Variants in RASSF8 observed in about 807,000 individuals in gnomAD.
RASSF8 encodes the protein Ras association domain family member 8.
Under a neutral mutation model 48.5 loss-of-function variants are expected in RASSF8, and 22 were observed. The observed-to-expected ratio is 0.45, with a 90% CI of 0.32 to 0.65. The LOEUF is 0.65. Among genes scored for constraint, RASSF8 ranks in the 30% least tolerant of loss-of-function variants. The pLI is 0.03. For missense variants in RASSF8, 418 were observed against 489.2 expected, an observed-to-expected ratio of 0.85 and a Z score of 1.37; for synonymous variants, 127 against 171.5, an observed-to-expected ratio of 0.74 and a Z score of 2.03.
downstream of RASSF8, among the ~76,000 whole-genome samples, chr12:26,076,166 G>A (rs1944070363): frequency 6.6e-6 from 1 of 151,972 alleles, no homozygotes; most frequent in Middle Eastern, 3.4e-3. Flanking sequence ...ACATATTCCC[G>A]ATTCTTGCAA....
chr12:25,998,360 T>G lies in RASSF8; in HGVS notation c.-109+3230T>G, dbSNP rs182210796. On this transcript the variant is annotated intron_variant, in intron 2 of 5. Transcript: ENST00000689635. Reference sequence around the variant, plus strand: ...TTCTGAAGACAAAGCTTTTTTTTTTTTTTTTTGAGATGGAGTTTCACTCTT... The same window carrying G: ...TTCTGAAGACAAAGCTTTTTTTTTTGTTTTTTGAGATGGAGTTTCACTCTT... Among the ~76,000 whole-genome samples, 95 of 151,756 alleles carry G rather than the reference T, an allele frequency of 6.3e-4. No individual in the cohort carries two copies. The East Asian group carries it at 0.015, about 24-fold the overall frequency.
intron 3 of RASSF8, among the ~76,000 whole-genome samples, chr12:26,059,646 T>C (rs1943695894): frequency 6.6e-6 from 1 of 152,224 alleles, no homozygotes; most frequent in Non-Finnish European, 1.5e-5. Context: ...CACATATTCA[T>C]TTGCAATTTT....
intron 2 of RASSF8, among the ~76,000 whole-genome samples, chr12:26,018,815 A>G (rs553741640): frequency 6.6e-6 from 1 of 152,352 alleles, no homozygotes; most frequent in Non-Finnish European, 1.5e-5. Flanking sequence ...GCAATCAGAT[A>G]AGTTATTTAG....
chr12:25,992,011 T>A (rs1399573628), intron 1 of RASSF8, among the ~76,000 whole-genome samples: 3 of 152,210 alleles, frequency 2.0e-5, no homozygotes, highest in Non-Finnish European at 4.4e-5. Context: ...GTTCATTGAT[T>A]TATGGTCATT....
intron 2 of RASSF8, among the ~76,000 whole-genome samples, chr12:26,028,423 A>G (rs192288595): frequency 3.3e-5 from 5 of 152,362 alleles, no homozygotes; most frequent in East Asian, 3.9e-4. Flanking sequence ...AAGGACTTCT[A>G]CTAGGCTGCT....
At chr12:26,038,491 G>A (rs1427549201) in intron 2 of RASSF8, among the ~76,000 whole-genome samples, 1 of 151,966 alleles carries the variant, frequency 6.6e-6, no homozygotes, top group Admixed American at 6.6e-5. Context: ...ATACATATTC[G>A]TCACTGTTAC....
chr12:26,049,319 AG>A (rs1943440396), intron 2 of RASSF8, among the ~76,000 whole-genome samples: 1 of 152,222 alleles, frequency 6.6e-6, no homozygotes, highest in South Asian at 2.1e-4. Context: ...TTTTGAGATG[AG>A]CCTTTGATTA....
chr12:25,960,048 T>TA (rs371915951), intron 1 of RASSF8, among the ~76,000 whole-genome samples: 5,874 of 147,350 alleles, frequency 0.04, 356 homozygotes, highest in African/African-American at 0.13. Context: ...AGCATTTCAT[T>TA]AAAAAAAAAA....
chr12:26,070,497 G>A lies in RASSF8; in HGVS notation c.*1679G>A. 1 of 984,636 alleles carries A rather than the reference G, an allele frequency of 1.0e-6. No homozygotes were observed. The highest frequency in any genetic ancestry group is 1.2e-6 in the Non-Finnish European group (1 of 829,290). 61.0% of individuals were successfully genotyped at this position (984,636 alleles called of 1,614,324 possible). ...TTCTTGGAGTTATCAAATTGATCTT[G>A]CCATTATGTTACTTTGCAAATAACT... On this transcript the variant is annotated 3_prime_UTR_variant, in exon 6 of 6. Coordinates refer to ENST00000689635, the MANE Select transcript of RASSF8 (RefSeq NM_001394098.1).
At chr12:26,027,395 C>A (rs753434675) in intron 2 of RASSF8, among the ~76,000 whole-genome samples, 7 of 152,152 alleles carry the variant, frequency 4.6e-5, no homozygotes, top group Non-Finnish European at 8.8e-5. Flanking sequence ...CTGGATAGCA[C>A]CGATAATTCA....
intron 1 of RASSF8, among the ~76,000 whole-genome samples, chr12:25,978,844 A>C (rs1385039691): frequency 6.6e-6 from 1 of 152,070 alleles, no homozygotes; most frequent in African/African-American, 2.4e-5. Flanking sequence ...GAGCATGAAA[A>C]CCTTAATGAA....
intron 2 of RASSF8, among the ~76,000 whole-genome samples, chr12:26,050,075 G>T (rs1256829217): frequency 6.6e-6 from 1 of 152,162 alleles, no homozygotes; most frequent in South Asian, 2.1e-4. Context: ...GAGCCACCAC[G>T]CCCAGCCAAA....
intron 3 of RASSF8, among the ~76,000 whole-genome samples, chr12:26,055,898 A>C (rs573853375): frequency 6.6e-6 from 1 of 152,324 alleles, no homozygotes; most frequent in East Asian, 1.9e-4. Flanking sequence ...TTAAAATCTT[A>C]TGATTGGCTG....
chr12:26,009,912 C>T (rs574382201), intron 2 of RASSF8, among the ~76,000 whole-genome samples: 4 of 152,130 alleles, frequency 2.6e-5, no homozygotes, highest in South Asian at 2.1e-4. Context: ...GGAAAGTAAT[C>T]AGTGGGAGGA....
intron 2 of RASSF8, among the ~76,000 whole-genome samples, chr12:26,025,009 A>T (rs1008523997): frequency 6.6e-6 from 1 of 152,142 alleles, no homozygotes; most frequent in African/African-American, 2.4e-5. Context: ...AAGAACAAAA[A>T]CTACATGATT....
At chr12:25,987,284 T>C (rs1468317240) in intron 1 of RASSF8, among the ~76,000 whole-genome samples, 1 of 152,210 alleles carries the variant, frequency 6.6e-6, no homozygotes, top group East Asian at 1.9e-4. Context: ...TGAGTGTTCA[T>C]GATATGAACT....
At position 26,014,605 on chromosome 12, in the gene RASSF8, G is replaced by C. The variant is rs374963623; in HGVS notation, c.-109+19475G>C. Among the ~76,000 whole-genome samples, 5 of 151,804 alleles carry C rather than the reference G, an allele frequency of 3.3e-5. No individual in the cohort carries two copies. The East Asian group carries it at 9.7e-4, about 29-fold the overall frequency. On this transcript the variant is annotated intron_variant, in intron 2 of 5. Transcript: ENST00000689635. ...CAGGTTGATTACTGATTCATAGTAT[G>C]TATTTATTTGAAAATTATTTTTCAA...
At chr12:25,990,235 A>G (rs1462750918) in intron 1 of RASSF8, among the ~76,000 whole-genome samples, 1 of 152,232 alleles carries the variant, frequency 6.6e-6, no homozygotes, top group African/African-American at 2.4e-5. Flanking sequence ...TATTTCATGA[A>G]GGCTTCCTGG....
chr12:26,070,620 G>A lies in RASSF8; in HGVS notation c.*1802G>A, dbSNP rs554335767. The A allele has an allele frequency of 2.0e-5, 19 of 954,998 alleles. No homozygotes were observed. Among genetic ancestry groups the A allele is most frequent in the Non-Finnish European group, 2.2e-5 (18 of 802,510 alleles). The allele number at this position is 954,998 out of a possible 1,614,324, so 59.2% of individuals were successfully genotyped here. A position where few individuals can be genotyped will look rare whatever the true frequency, so the allele number is the denominator to read the frequency against. ...ATCTACCTATATTTAAAATTAGGATGATTAAAAAATAATTTATAGATTTTG... is the reference window on the plus strand; with the variant it reads ...ATCTACCTATATTTAAAATTAGGATAATTAAAAAATAATTTATAGATTTTG... On this transcript the variant is annotated 3_prime_UTR_variant, in exon 6 of 6. Transcript: ENST00000689635.
Sources: allele counts gnomAD v4.1 joint callset (sites outside exome capture counted in the v4.1 genomes callset), GRCh38; gene constraint gnomAD v4.1.1; transcripts MANE v1.5; gene names NCBI Gene and HGNC (gene_info 2026-07-23, HGNC 2026-07-21).